Variants in NHSL1 observed in about 807,000 individuals in gnomAD.
NHSL1 encodes NHS like 1, also known as NHS-like protein 1.
NHSL1 carries 48 observed loss-of-function variants against 95.0 expected under a neutral mutation model. That is an observed-to-expected ratio of 0.51 (90% CI 0.40 to 0.64). The LOEUF (loss-of-function observed/expected upper bound fraction) is 0.64. Ranked by LOEUF, NHSL1 falls within the 30% of genes least tolerant of loss-of-function variation. NHSL1 has a pLI of 0.00. For missense variants in NHSL1, 1,971 were observed against 2,077.7 expected, an observed-to-expected ratio of 0.95 and a Z score of 1.00; for synonymous variants, 783 against 833.9, an observed-to-expected ratio of 0.94 and a Z score of 1.05.
upstream of NHSL1, among the ~76,000 whole-genome samples, chr6:138,548,031 G>A (rs1277329654): frequency 1.3e-5 from 2 of 152,214 alleles, no homozygotes; most frequent in Non-Finnish European, 2.9e-5. Context: ...CACTCTGGCT[G>A]GAGTGCAGTG....
intron 1 of NHSL1, among the ~76,000 whole-genome samples, chr6:138,544,598 G>C (rs1782711381): frequency 6.6e-6 from 1 of 152,114 alleles, no homozygotes; most frequent in African/African-American, 2.4e-5. Flanking sequence ...CAGACTTTGA[G>C]GACAAAGGAG....
chr6:138,549,435 A>T (rs927152898), upstream of NHSL1, among the ~76,000 whole-genome samples: 1 of 152,156 alleles, frequency 6.6e-6, no homozygotes, highest in African/African-American at 2.4e-5. Flanking sequence ...GAAGGTCATA[A>T]AAGATGGAGG....
At chr6:138,457,463 C>T (rs1010196614) in intron 3 of NHSL1, among the ~76,000 whole-genome samples, 1 of 152,084 alleles carries the variant, frequency 6.6e-6, no homozygotes, top group Non-Finnish European at 1.5e-5. Flanking sequence ...CCAGAATCGA[C>T]GTCCTCTAGG....
At chr6:138,482,818 A>G (rs1410022868) in intron 2 of NHSL1, among the ~76,000 whole-genome samples, 2 of 152,216 alleles carry the variant, frequency 1.3e-5, no homozygotes, top group Non-Finnish European at 2.9e-5. Flanking sequence ...GTGGGACTAA[A>G]GGGTTACATT....
chr6:138,633,264 G>C (rs1268773880), intron 1 of NHSL1, among the ~76,000 whole-genome samples: 1 of 152,030 alleles, frequency 6.6e-6, no homozygotes, highest in Admixed American at 6.6e-5. Flanking sequence ...AAGAGACAGG[G>C]GCAGAAAATT....
intron 1 of NHSL1, among the ~76,000 whole-genome samples, chr6:138,518,666 T>C (rs1311248786): frequency 1.3e-5 from 2 of 152,098 alleles, no homozygotes. Flanking sequence ...TACGTTCTAA[T>C]GGGGAAGACA....
intron 1 of NHSL1, among the ~76,000 whole-genome samples, chr6:138,545,098 C>A (rs1782737758): frequency 7.1e-6 from 1 of 140,816 alleles, no homozygotes; most frequent in South Asian, 2.3e-4. Context: ...TCAAGCAATT[C>A]TTCTGACTCA....
chr6:138,490,443 C>A (rs1247591540), intron 2 of NHSL1, among the ~76,000 whole-genome samples: 1 of 152,012 alleles, frequency 6.6e-6, no homozygotes, highest in Non-Finnish European at 1.5e-5. Context: ...AGACAAGCAC[C>A]CTCATCAAAT....
intron 1 of NHSL1, among the ~76,000 whole-genome samples, chr6:138,643,043 G>A (rs1057350688): frequency 5.9e-5 from 9 of 152,140 alleles, no homozygotes; most frequent in African/African-American, 2.2e-4. Context: ...ACAGCAGGTA[G>A]AAGACATCTT....
rs749885013 is a variant in NHSL1, at chr6:138,464,051, C to T, written c.339+9255G>A. On this transcript the variant is annotated intron_variant, in intron 3 of 7. Transcript: ENST00000343505. Reference sequence around the variant, plus strand: ...TGGCAAGACTGAATAAATATTTACTCAGTAAATGAATGAGGGGGTGAGCAA... The same window carrying T: ...TGGCAAGACTGAATAAATATTTACTTAGTAAATGAATGAGGGGGTGAGCAA... 5.5e-4 allele frequency: 224 copies of T among 404,016 alleles called. 1 individual carries two copies. Among genetic ancestry groups the T allele is most frequent in the Non-Finnish European group, 9.0e-4 (195 of 215,970 alleles). The allele number at this position is 404,016 out of a possible 1,614,324, so 25.0% of individuals were successfully genotyped here. A position where few individuals can be genotyped will look rare whatever the true frequency, so the allele number is the denominator to read the frequency against.
intron 1 of NHSL1, among the ~76,000 whole-genome samples, chr6:138,625,228 C>T (rs868195357): frequency 2.0e-5 from 3 of 151,994 alleles, no homozygotes; most frequent in East Asian, 1.9e-4. Flanking sequence ...CTGCAACCTC[C>T]GCCTCCCAGG....
chr6:138,596,764 C>G (rs573007344), intron 1 of NHSL1, among the ~76,000 whole-genome samples: 1 of 150,450 alleles, frequency 6.6e-6, no homozygotes, highest in Non-Finnish European at 1.5e-5. Flanking sequence ...ATTCAATTGG[C>G]GGGGGTGGGG....
At chr6:138,545,013 C>T (rs192476848) in intron 1 of NHSL1, among the ~76,000 whole-genome samples, 2 of 126,004 alleles carry the variant, frequency 1.6e-5, no homozygotes, top group East Asian at 2.4e-4. Context: ...TTTTTGAGAC[C>T]GAGTTTCACT....
upstream of NHSL1, among the ~76,000 whole-genome samples, chr6:138,549,689 T>C (rs1017005302): frequency 6.6e-6 from 1 of 152,208 alleles, no homozygotes; most frequent in Non-Finnish European, 1.5e-5. Flanking sequence ...AATAATTACG[T>C]GAGATGGGCA....
At chr6:138,487,055 A>G (rs2128272909) in intron 2 of NHSL1, among the ~76,000 whole-genome samples, 1 of 152,328 alleles carries the variant, frequency 6.6e-6, no homozygotes, top group East Asian at 1.9e-4. Flanking sequence ...CATGCAGTAG[A>G]CAGAAAGAAG....
At chr6:138,625,668 C>G (rs927836993) in intron 1 of NHSL1, among the ~76,000 whole-genome samples, 4 of 148,908 alleles carry the variant, frequency 2.7e-5, no homozygotes, top group African/African-American at 1.0e-4. Context: ...AAATTAGAGA[C>G]AAAGTCTTGC....
At chr6:138,495,629 T>G (rs1583301931) in intron 2 of NHSL1, among the ~76,000 whole-genome samples, 2 of 152,222 alleles carry the variant, frequency 1.3e-5, no homozygotes, top group African/African-American at 4.8e-5. Context: ...TCTAAGAAGG[T>G]GTGGGCTCCT....
chr6:138,599,285 G>C (rs569388261), intron 1 of NHSL1, among the ~76,000 whole-genome samples: 40 of 152,280 alleles, frequency 2.6e-4, no homozygotes, highest in African/African-American at 9.1e-4. Context: ...GCCAAGGTGG[G>C]TGGATCACCT....
chr6:138,529,068 TC>T (rs1782028169), intron 1 of NHSL1, among the ~76,000 whole-genome samples: 1 of 152,180 alleles, frequency 6.6e-6, no homozygotes, highest in African/African-American at 2.4e-5. Context: ...ATTGTTAACC[TC>T]TCCTGCACAA....
Sources: gnomAD v4.1 joint callset for allele counts (sites outside exome capture counted in the v4.1 genomes callset) on GRCh38, gnomAD v4.1.1 for gene constraint, MANE v1.5 for transcripts, NCBI Gene and HGNC (gene_info 2026-07-23, HGNC 2026-07-21) for gene names.